HIPK2: variants seen among roughly 807,000 people sequenced by gnomAD.
The protein encoded by HIPK2 is homeodomain interacting protein kinase 2.
Under a neutral mutation model 113.7 loss-of-function variants are expected in HIPK2, and 27 were observed. That is an observed-to-expected ratio of 0.24 (90% CI 0.17 to 0.33). The LOEUF is 0.33. HIPK2 is among the 10% of genes least tolerant of loss of function. The pLI, the probability that HIPK2 is intolerant of heterozygous loss-of-function variation, is 1.00. For synonymous variants in HIPK2, 631 were observed against 642.2 expected, an observed-to-expected ratio of 0.98 and a Z score of 0.26; for missense variants, 1,257 against 1,588.0, an observed-to-expected ratio of 0.79 and a Z score of 3.54.
At chr7:139,741,318 T>C (rs2117078897) in intron 1 of HIPK2, among the ~76,000 whole-genome samples, 1 of 152,234 alleles carries the variant, frequency 6.6e-6, no homozygotes, top group Non-Finnish European at 1.5e-5. Context: ...GGTTTCATCT[T>C]AGAGTCACTG....
chr7:139,763,573 C>T (rs1302876636), intron 1 of HIPK2, among the ~76,000 whole-genome samples: 1 of 146,624 alleles, frequency 6.8e-6, no homozygotes, highest in South Asian at 2.3e-4. Context: ...GACCAGATGG[C>T]CTGCAAAGCC....
At chr7:139,576,733 C>T (rs746612543) in intron 13 of HIPK2, among the ~76,000 whole-genome samples, 5 of 152,198 alleles carry the variant, frequency 3.3e-5, no homozygotes, top group Non-Finnish European at 7.3e-5. Context: ...CAGATGAAGA[C>T]GCTGACAGTC....
At chr7:139,676,417 T>C (rs552093280) in intron 2 of HIPK2, among the ~76,000 whole-genome samples, 25 of 152,330 alleles carry the variant, frequency 1.6e-4, no homozygotes, top group Middle Eastern at 3.4e-3. Context: ...AGCCCTACAC[T>C]TTCCTCTGCC....
intron 1 of HIPK2, among the ~76,000 whole-genome samples, chr7:139,744,857 C>T (rs897473041): frequency 2.6e-5 from 4 of 152,178 alleles, no homozygotes; most frequent in Admixed American, 2.0e-4. Flanking sequence ...AACTGCAGAA[C>T]GGTTCCTCTG....
intron 2 of HIPK2, among the ~76,000 whole-genome samples, chr7:139,697,188 C>T (rs1282760493): frequency 6.6e-6 from 1 of 152,204 alleles, no homozygotes; most frequent in Non-Finnish European, 1.5e-5. Flanking sequence ...TACCTCCTGC[C>T]TCGCTGTGCA....
chr7:139,715,150 C>T (rs1201781704), intron 2 of HIPK2, among the ~76,000 whole-genome samples: 1 of 152,218 alleles, frequency 6.6e-6, no homozygotes, highest in African/African-American at 2.4e-5. Context: ...CTGTCTATAT[C>T]CCTATACCTA....
At chr7:139,581,960 G>A (rs947450481) in intron 13 of HIPK2, among the ~76,000 whole-genome samples, 17 of 152,168 alleles carry the variant, frequency 1.1e-4, no homozygotes, top group African/African-American at 3.9e-4. Flanking sequence ...AAAAATGTGT[G>A]CTGCATATAC....
At chr7:139,573,595 ACTTT>A (rs1798386506) in intron 14 of HIPK2, among the ~76,000 whole-genome samples, 198 bp from the exon 15 acceptor site, 1 of 152,122 alleles carries the variant, frequency 6.6e-6, no homozygotes, top group African/African-American at 2.4e-5. Context: ...TAATCTCAGC[ACTTT>A]GGGAGGCAGA....
intron 1 of HIPK2, among the ~76,000 whole-genome samples, chr7:139,768,888 G>T (rs1585468552): frequency 6.6e-6 from 1 of 152,210 alleles, no homozygotes; most frequent in Non-Finnish European, 1.5e-5. Context: ...AAGAGCCCTA[G>T]CTCTGCTCCC....
rs2116888645 is a variant in HIPK2, at chr7:139,630,066, AAAAC to A, written c.1348-1031_1348-1028del. Among the ~76,000 whole-genome samples the A allele has an allele frequency of 6.6e-6, 1 of 152,258 alleles. No individual in the cohort carries two copies. The highest frequency in any genetic ancestry group is 2.4e-5 in the African/African-American group (1 of 41,530). ...AAAAAAACAAATCCAAAACAACAAC[AAAAC>A]AAACACCCACCCACCCTGCTGCAAA... On this transcript the variant is annotated intron_variant, in intron 4 of 14. Transcript: ENST00000406875. The surrounding 1 kb of genome is among the most constrained non-coding windows in gnomAD (Gnocchi z 4.0).
At chr7:139,608,337 T>C (rs1163795709) in intron 9 of HIPK2, among the ~76,000 whole-genome samples, 1 of 145,458 alleles carries the variant, frequency 6.9e-6, no homozygotes, top group Non-Finnish European at 1.5e-5. Context: ...AAAATATATA[T>C]ATAACAGGGA....
At chr7:139,751,541 GGGAGGGA>G in intron 1 of HIPK2, among the ~76,000 whole-genome samples, 1 of 70,276 alleles carries the variant, frequency 1.4e-5, no homozygotes, top group African/African-American at 2.5e-4. Flanking sequence ...TTTGGAGGGA[GGGAGGGA>G]GGGAGGGAGG....
intron 4 of HIPK2, among the ~76,000 whole-genome samples, chr7:139,629,425 T>C (rs1330667171): frequency 6.6e-6 from 1 of 152,266 alleles, no homozygotes; most frequent in Non-Finnish European, 1.5e-5. Context: ...TAAACCCTTA[T>C]GCACATAGCT....
rs375697986 is a variant in HIPK2 at position 139,760,746 on chromosome 7, A to C, written c.19+16859T>G. ...TCCACCTGAACTCTTAAATTTTAAC[A>C]GTATATATTTTCCAGCTTTGTCCAC... On this transcript the variant is annotated intron_variant, in intron 1 of 14. Transcript: ENST00000406875. Among the ~76,000 whole-genome samples, 5 of 152,212 alleles carry C rather than the reference A, an allele frequency of 3.3e-5. No individual in the cohort carries two copies. In the East Asian group the frequency reaches 9.6e-4, roughly 29 times the overall value.
At chr7:139,705,534 G>A (rs558104024) in intron 2 of HIPK2, among the ~76,000 whole-genome samples, 146 of 152,172 alleles carry the variant, frequency 9.6e-4, no homozygotes, top group African/African-American at 3.3e-3. Context: ...CCACCAACAC[G>A]CCCAGCTGAT....
chr7:139,682,781 G>T (rs1434657598), intron 2 of HIPK2, among the ~76,000 whole-genome samples: 1 of 152,204 alleles, frequency 6.6e-6, no homozygotes, highest in Non-Finnish European at 1.5e-5. Context: ...TAACAGAGGG[G>T]ACAGAAGGCG....
chr7:139,725,438 G>A (rs1569481468), intron 1 of HIPK2, among the ~76,000 whole-genome samples: 1 of 152,188 alleles, frequency 6.6e-6, no homozygotes, highest in Non-Finnish European at 1.5e-5. Context: ...GAAAGCTCAG[G>A]CTTTGCTTGG....
chr7:139,729,171 A>G (rs1308319666), intron 1 of HIPK2, among the ~76,000 whole-genome samples: 1 of 152,098 alleles, frequency 6.6e-6, no homozygotes, highest in East Asian at 1.9e-4. Flanking sequence ...AAAAAACAAA[A>G]AAAATTAGCC....
At chr7:139,648,515 G>A (rs1450278323) in intron 2 of HIPK2, among the ~76,000 whole-genome samples, 1 of 152,112 alleles carries the variant, frequency 6.6e-6, no homozygotes, top group African/African-American at 2.4e-5. Context: ...AAGGGAATAC[G>A]GCACACAGTC....
Sources: allele counts gnomAD v4.1 joint callset (sites outside exome capture counted in the v4.1 genomes callset), GRCh38; gene constraint gnomAD v4.1.1; non-coding constraint Gnocchi (gnomAD v3.1); transcripts MANE v1.5; gene names NCBI Gene and HGNC (gene_info 2026-07-23, HGNC 2026-07-21).